KANK1: variants seen among roughly 807,000 people sequenced by gnomAD.
KANK1 encodes the protein KN motif and ankyrin repeat domain-containing protein 1.
In KANK1, 109 loss-of-function variants were observed where a neutral mutation model predicts 106.2. The ratio of observed to expected loss-of-function variants is 1.03; its 90% CI spans 0.88 to 1.20. The LOEUF is 1.20. Ranked by LOEUF, KANK1 falls within the 50% of genes most tolerant of loss-of-function variation. The probability of loss-of-function intolerance (pLI) is 0.00; values close to 1 mark genes in which losing one functional copy is unlikely to be tolerated. For synonymous variants in KANK1, 873 were observed against 652.2 expected (o/e 1.34, Z -5.16); for missense variants, 2,399 against 1,710.7 (o/e 1.40, Z -7.10).
chr9:667,391 T>C (rs10975661), intron 1 of KANK1, among the ~76,000 whole-genome samples: 36,556 of 151,882 alleles, frequency 0.24, 5,707 homozygotes, highest in South Asian at 0.44. Flanking sequence ...CAGTAATGTT[T>C]TAATCTCAAT....
intron 7 of KANK1, among the ~76,000 whole-genome samples, 196 bp from the exon 8 acceptor site, chr9:738,089 T>C (rs2132059444): frequency 6.6e-6 from 1 of 152,210 alleles, no homozygotes; most frequent in Non-Finnish European, 1.5e-5. Flanking sequence ...GACATTAGAA[T>C]CTACACGTCA....
chr9:686,811 G>C, intron 2 of KANK1: 1 of 985,334 alleles, frequency 1.0e-6, no homozygotes, highest in Non-Finnish European at 1.2e-6. Context: ...TGTTCTCTGA[G>C]GAACATGCTA....
chr9:656,117 G>T (rs927557), intron 1 of KANK1, among the ~76,000 whole-genome samples: 2,274 of 152,282 alleles, frequency 0.015, 51 homozygotes, highest in African/African-American at 0.052. Context: ...AGTCTTCTTG[G>T]GACATGGCTT....
chr9:623,614 AAAG>A (rs1275561735), intron 1 of KANK1, among the ~76,000 whole-genome samples: 1 of 151,826 alleles, frequency 6.6e-6, no homozygotes, highest in Admixed American at 6.6e-5. Context: ...CAAAAAAAAA[AAAG>A]AAAAAGAAAA....
chr9:607,291 G>A (rs1829449307), intron 1 of KANK1, among the ~76,000 whole-genome samples: 1 of 151,602 alleles, frequency 6.6e-6, no homozygotes, highest in Admixed American at 6.6e-5. Flanking sequence ...TTCAAGACCA[G>A]CCTGGCCAAT....
chr9:507,556 ATTTTTTTTTTT>A (rs755577004), intron 1 of KANK1, among the ~76,000 whole-genome samples: 1 of 127,418 alleles, frequency 7.8e-6, no homozygotes, highest in Non-Finnish European at 1.6e-5. Flanking sequence ...TGCCCGGCTA[ATTTTTTTTTTT>A]TTTTTTTTGA....
chr9:569,662 A>G (rs186615233), intron 1 of KANK1, among the ~76,000 whole-genome samples: 64 of 152,340 alleles, frequency 4.2e-4, no homozygotes, highest in Middle Eastern at 3.4e-3. Context: ...GACTGAGACA[A>G]TACGTATATT....
At chr9:611,670 G>C (rs762520044) in intron 1 of KANK1, among the ~76,000 whole-genome samples, 12 of 152,128 alleles carry the variant, frequency 7.9e-5, no homozygotes, top group Non-Finnish European at 1.6e-4. Flanking sequence ...AGGCATTTTT[G>C]ATAGTTTATC....
chr9:715,168 T>C (rs1827346537), intron 3 of KANK1, among the ~76,000 whole-genome samples: 3 of 152,172 alleles, frequency 2.0e-5, no homozygotes, highest in African/African-American at 4.8e-5. Flanking sequence ...ATATGACAGC[T>C]CATGTGTGGG....
In KANK1 at chr9:712,418, G is replaced by T; in HGVS notation, c.1652G>T (p.Cys551Phe). Residue 551 changes from cysteine (C) to phenylalanine (F), a missense_variant, in exon 3 of 12, where the codon TGC becomes TTC. Transcript: ENST00000382297. ...SVETNSVGIS[C>F]QPECKNKVVG... ...GAAACAAACAGTGTAGGCATCTCCT[G>T]CCAGCCTGAATGTAAGAATAAAGTC... 1 of 1,614,180 alleles carries T rather than the reference G, an allele frequency of 6.2e-7. No homozygotes were observed.
chr9:538,426 CATTT>C (rs1363455055), intron 1 of KANK1, among the ~76,000 whole-genome samples: 8 of 152,166 alleles, frequency 5.3e-5, no homozygotes, highest in Non-Finnish European at 7.3e-5. Flanking sequence ...GAAAGAAAAA[CATTT>C]ATAGCATTTC....
intron 2 of KANK1, among the ~76,000 whole-genome samples, chr9:689,919 A>G (rs1294443527): frequency 1.3e-5 from 2 of 152,004 alleles, no homozygotes; most frequent in African/African-American, 2.4e-5. Context: ...TGAGCCAGAA[A>G]GGGTGGGAGG....
At chr9:663,812 C>G (rs1020097086) in intron 1 of KANK1, among the ~76,000 whole-genome samples, 1 of 152,140 alleles carries the variant, frequency 6.6e-6, no homozygotes, top group African/African-American at 2.4e-5. Flanking sequence ...CAGTGCAGCC[C>G]TTGTGTACAC....
At chr9:514,103 C>G (rs1202013186) in intron 1 of KANK1, among the ~76,000 whole-genome samples, 3 of 143,938 alleles carry the variant, frequency 2.1e-5, no homozygotes, top group East Asian at 4.1e-4. Flanking sequence ...TCTCTTACTC[C>G]CTCCCTCTCT....
intron 2 of KANK1, chr9:684,179 C>T (rs1323261): frequency 0.48 from 473,038 of 983,298 alleles, 121,074 homozygotes; most frequent in East Asian, 0.9. Context: ...GCTTTCTTGC[C>T]CCAAGCCTTG....
chr9:632,636 G>C (rs1836016736), intron 1 of KANK1, among the ~76,000 whole-genome samples: 1 of 152,110 alleles, frequency 6.6e-6, no homozygotes, highest in Non-Finnish European at 1.5e-5. Flanking sequence ...TCTTGTAATT[G>C]ATTATCACAT....
chr9:483,428 T>C (rs2058240979), intron 3 of KANK1, among the ~76,000 whole-genome samples: 1 of 152,214 alleles, frequency 6.6e-6, no homozygotes, highest in South Asian at 2.1e-4. Flanking sequence ...ATGATCCTAA[T>C]GTGTAGAGAA....
chr9:707,170 C>G (rs1192897008), intron 2 of KANK1: 1 of 985,568 alleles, frequency 1.0e-6, no homozygotes, highest in Non-Finnish European at 1.2e-6. Context: ...CGAGGGCGCC[C>G]GAGGCCGGGT....
chr9:707,059 G>A (rs2130718404), intron 2 of KANK1: 1 of 985,506 alleles, frequency 1.0e-6, no homozygotes, highest in African/African-American at 1.7e-5. Context: ...TGTCACTGCA[G>A]CCGGAGGGAG....
Sources: gnomAD v4.1 joint callset for allele counts (sites outside exome capture counted in the v4.1 genomes callset) on GRCh38, gnomAD v4.1.1 for gene constraint, MANE v1.5 for transcripts, NCBI Gene and HGNC (gene_info 2026-07-23, HGNC 2026-07-21) for gene names.